Variants in SLC60A2 observed in about 807,000 individuals in gnomAD.
The protein encoded by SLC60A2 is solute carrier family 60 member 2.
At chr6:111,261,605 T>G in the SLC60A2 span, among the ~76,000 whole-genome samples, 5 of 152,260 alleles carry the variant, frequency 3.3e-5, no homozygotes, top group Admixed American at 3.3e-4. Context: ...ATTAATTTAT[T>G]CTTTCTGAGA....
the SLC60A2 span, among the ~76,000 whole-genome samples, chr6:111,265,589 T>C: frequency 2.5e-4 from 38 of 152,234 alleles, no homozygotes; most frequent in South Asian, 7.5e-3. Flanking sequence ...TAGAACTGTA[T>C]TATAAAAAGC....
chr6:111,259,761 G>A, the SLC60A2 span: 690 of 1,553,262 alleles, frequency 4.4e-4, 8 homozygotes, highest in South Asian at 7.7e-3. Flanking sequence ...CCCAGGCCGG[G>A]GCGTTCGAGT....
At chr6:111,265,464 C>T in the SLC60A2 span, 114,055 of 843,320 alleles carry the variant, frequency 0.14, 8,171 homozygotes, top group Non-Finnish European at 0.15. Context: ...AAGTGGCTAC[C>T]AACAGCAAGT....
At chr6:111,266,785 C>T in the SLC60A2 span, 2 of 1,613,952 alleles carry the variant, frequency 1.2e-6, no homozygotes, top group Middle Eastern at 1.6e-4. Flanking sequence ...TATAAATTAG[C>T]CACTTCACCT....
chr6:111,274,506 C>T, the SLC60A2 span, among the ~76,000 whole-genome samples: 3 of 152,072 alleles, frequency 2.0e-5, no homozygotes, highest in African/African-American at 4.8e-5. Context: ...GAATTTAATC[C>T]GTTTACATTC....
At chr6:111,266,022 A>G in the SLC60A2 span, 2 of 1,614,014 alleles carry the variant, frequency 1.2e-6, no homozygotes, top group Admixed American at 3.3e-5. Context: ...TGAAAACCAC[A>G]CAGAGTCTGA....
chr6:111,270,768 C>G, the SLC60A2 span: 1 of 151,978 alleles, frequency 6.6e-6, no homozygotes, highest in Non-Finnish European at 1.5e-5. Context: ...TGGCGTGAAC[C>G]CAGGAGGCGG....
chr6:111,263,947 G>T, the SLC60A2 span: 1 of 1,464,236 alleles, frequency 6.8e-7, no homozygotes, highest in Non-Finnish European at 9.6e-7. Flanking sequence ...CTGGATACAG[G>T]TTAGTGAGCT....
chr6:111,266,098 ATAAGAATT>A, the SLC60A2 span: 1 of 1,614,066 alleles, frequency 6.2e-7, no homozygotes. Flanking sequence ...GTACCTAATG[ATAAGAATT>A]TACTGTGGGC....
chr6:111,278,591 G>T, the SLC60A2 span: 1 of 152,102 alleles, frequency 6.6e-6, no homozygotes, highest in Non-Finnish European at 1.5e-5. Flanking sequence ...AGATCTTTTG[G>T]TTATTATAAG....
At chr6:111,266,926 A>C in the SLC60A2 span, 2 of 1,614,150 alleles carry the variant, frequency 1.2e-6, no homozygotes, top group Non-Finnish European at 1.7e-6. Flanking sequence ...ATGGATTTTG[A>C]AATGATTGAA....
chr6:111,275,154 A>G, the SLC60A2 span, among the ~76,000 whole-genome samples: 1 of 151,864 alleles, frequency 6.6e-6, no homozygotes, highest in African/African-American at 2.4e-5. Flanking sequence ...CCTGGCTTCA[A>G]GCAATCCTTC....
chr6:111,264,554 C>T, the SLC60A2 span, among the ~76,000 whole-genome samples: 18 of 151,968 alleles, frequency 1.2e-4, no homozygotes, highest in African/African-American at 2.2e-4. Context: ...TTTGGGAGGC[C>T]GAGATGGGTG....
At chr6:111,274,044 C>T in the SLC60A2 span, among the ~76,000 whole-genome samples, 1 of 152,080 alleles carries the variant, frequency 6.6e-6, no homozygotes, top group Non-Finnish European at 1.5e-5. Context: ...TTTCTAGAGA[C>T]AAGGTCTCAC....
chr6:111,269,390 G>C, the SLC60A2 span: 2 of 152,126 alleles, frequency 1.3e-5, no homozygotes, highest in Non-Finnish European at 2.9e-5. Context: ...AGTAGAGAGG[G>C]GGTTTCATCA....
chr6:111,263,295 TG>T, the SLC60A2 span, among the ~76,000 whole-genome samples: 4 of 152,202 alleles, frequency 2.6e-5, no homozygotes, highest in African/African-American at 9.7e-5. Context: ...TAGATTAATA[TG>T]ATAAAATTGT....
At chr6:111,271,192 AAGG>A in the SLC60A2 span, 2 of 141,106 alleles carry the variant, frequency 1.4e-5, no homozygotes, top group African/African-American at 2.6e-5. Context: ...AAAAAAAAAA[AAGG>A]AAATACAGTT....
At chr6:111,261,637 A>G in the SLC60A2 span, among the ~76,000 whole-genome samples, 3 of 152,082 alleles carry the variant, frequency 2.0e-5, no homozygotes, top group Non-Finnish European at 4.4e-5. Flanking sequence ...TCTGTCGCCC[A>G]GGCTGGAGTG....
the SLC60A2 span, chr6:111,266,164 T>C: frequency 5.0e-6 from 8 of 1,612,628 alleles, no homozygotes; most frequent in Non-Finnish European, 6.8e-6. Flanking sequence ...GTCATTTTTT[T>C]TTGTCTGTTT....
Sources: allele counts gnomAD v4.1 joint callset (sites outside exome capture counted in the v4.1 genomes callset), GRCh38; gene constraint gnomAD v4.1.1; transcripts MANE v1.5; gene names NCBI Gene and HGNC (gene_info 2026-07-23, HGNC 2026-07-21).